Variants in SLC14A2 observed in about 807,000 individuals in gnomAD.
SLC14A2 encodes the protein urea transporter 2.
SLC14A2 carries 91 observed loss-of-function variants against 104.6 expected under a neutral mutation model. The ratio of observed to expected loss-of-function variants is 0.87; its 90% CI spans 0.73 to 1.04. SLC14A2 has a LOEUF of 1.04. SLC14A2 is among the 50% of genes least tolerant of loss of function. SLC14A2 has a pLI of 0.00. For synonymous variants in SLC14A2, 476 were observed against 466.4 expected (o/e 1.02, Z -0.27); for missense variants, 1,189 against 1,156.0 (o/e 1.03, Z -0.41).
intron 10 of SLC14A2, among the ~76,000 whole-genome samples, chr18:45,644,881 G>A (rs2144566292): frequency 6.6e-6 from 1 of 152,154 alleles, no homozygotes; most frequent in East Asian, 1.9e-4. Context: ...TAAGTTCTGG[G>A]ATACATGTGC....
chr18:45,203,128 G>A, the SLC14A2 span, among the ~76,000 whole-genome samples: 1 of 152,184 alleles, frequency 6.6e-6, no homozygotes, highest in Non-Finnish European at 1.5e-5. Context: ...GTAGTCCGAG[G>A]AGAGGCACTT....
chr18:45,242,293 A>G (rs937749323), intron 1 of SLC14A2, among the ~76,000 whole-genome samples: 11 of 152,188 alleles, frequency 7.2e-5, no homozygotes, highest in African/African-American at 2.7e-4. Flanking sequence ...CCCGTGCTAC[A>G]TTTTCATGTA....
chr18:45,655,425 C>G (rs778702081), intron 10 of SLC14A2, among the ~76,000 whole-genome samples: 4 of 152,234 alleles, frequency 2.6e-5, no homozygotes, highest in Non-Finnish European at 4.4e-5. Flanking sequence ...ACTATCACCA[C>G]CCTGGCCTCG....
intron 1 of SLC14A2, among the ~76,000 whole-genome samples, chr18:45,379,628 G>A (rs2085812298): frequency 6.6e-6 from 1 of 152,206 alleles, no homozygotes; most frequent in Non-Finnish European, 1.5e-5. Flanking sequence ...TCTACAGTGT[G>A]AATGAACACC....
At chr18:45,363,242 G>A (rs2085632352) in intron 1 of SLC14A2, among the ~76,000 whole-genome samples, 1 of 152,136 alleles carries the variant, frequency 6.6e-6, no homozygotes, top group Non-Finnish European at 1.5e-5. Context: ...ACAGAAGCTG[G>A]AGTTAGGGAG....
At chr18:45,673,412 G>A (rs1169235763) in intron 17 of SLC14A2, among the ~76,000 whole-genome samples, 1 of 152,218 alleles carries the variant, frequency 6.6e-6, no homozygotes, top group Non-Finnish European at 1.5e-5. Context: ...GGCAGGGGAA[G>A]GATATTCTCT....
the SLC14A2 span, among the ~76,000 whole-genome samples, chr18:45,192,054 G>C: frequency 1.3e-5 from 2 of 152,086 alleles, no homozygotes; most frequent in East Asian, 3.9e-4. Context: ...CATATGCTAT[G>C]GCTTTTTATT....
At chr18:45,621,201 T>C (rs1031032209) in intron 1 of SLC14A2, among the ~76,000 whole-genome samples, 1 of 152,216 alleles carries the variant, frequency 6.6e-6, no homozygotes, top group Non-Finnish European at 1.5e-5. Context: ...TTCTGGGGCT[T>C]GTCGGATTTC....
At chr18:45,246,606 T>C (rs919476062) in intron 1 of SLC14A2, among the ~76,000 whole-genome samples, 4 of 152,084 alleles carry the variant, frequency 2.6e-5, no homozygotes, top group Admixed American at 6.6e-5. Flanking sequence ...AGACTCTCAC[T>C]CTGTCGCCCA....
chr18:45,337,391 A>T (rs1310888092), intron 1 of SLC14A2, among the ~76,000 whole-genome samples: 1 of 152,236 alleles, frequency 6.6e-6, no homozygotes, highest in African/African-American at 2.4e-5. Context: ...TTTACCAAGT[A>T]GTTAGCCCTC....
chr18:45,234,841 C>A (rs1568113044), intron 1 of SLC14A2, among the ~76,000 whole-genome samples: 3 of 151,288 alleles, frequency 2.0e-5, no homozygotes, highest in Non-Finnish European at 2.9e-5. Flanking sequence ...TATTTAGCGC[C>A]TTTTTTTTTC....
intron 10 of SLC14A2, among the ~76,000 whole-genome samples, chr18:45,645,628 TAC>T (rs2045610763): frequency 2.0e-5 from 3 of 146,780 alleles, no homozygotes; most frequent in Admixed American, 6.8e-5. Flanking sequence ...TATATACATA[TAC>T]AAAGATATAT....
chr18:45,341,260 C>T (rs189643334), intron 1 of SLC14A2, among the ~76,000 whole-genome samples: 1 of 152,028 alleles, frequency 6.6e-6, no homozygotes, highest in East Asian at 1.9e-4. Context: ...ACAAACAACC[C>T]TCAAAGACCT....
intron 2 of SLC14A2, among the ~76,000 whole-genome samples, chr18:45,530,414 T>C (rs1483466087): frequency 2.0e-5 from 3 of 152,164 alleles, no homozygotes; most frequent in Non-Finnish European, 4.4e-5. Context: ...TACAAAAACA[T>C]AGAAATATCC....
At chr18:45,558,781 G>A (rs907821333) in intron 2 of SLC14A2, among the ~76,000 whole-genome samples, 1 of 152,184 alleles carries the variant, frequency 6.6e-6, no homozygotes, top group Non-Finnish European at 1.5e-5. Context: ...AAGAGATAGA[G>A]ATAGAATCCT....
chr18:45,246,383 G>A (rs530405016), intron 1 of SLC14A2, among the ~76,000 whole-genome samples: 1 of 151,912 alleles, frequency 6.6e-6, no homozygotes, highest in South Asian at 2.1e-4. Context: ...TAATACAGAT[G>A]GTAAGAAGGG....
chr18:45,493,565 G>A (rs955134953), intron 2 of SLC14A2, among the ~76,000 whole-genome samples: 6 of 152,332 alleles, frequency 3.9e-5, no homozygotes, highest in Middle Eastern at 6.8e-3. Flanking sequence ...ATCCAAAGTT[G>A]CATAGGTAGT....
the SLC14A2 span, among the ~76,000 whole-genome samples, chr18:45,187,659 C>A: frequency 1.3e-5 from 2 of 152,024 alleles, no homozygotes; most frequent in African/African-American, 4.8e-5. Flanking sequence ...CCACCTTATG[C>A]CCGTCCAGAA....
the SLC14A2 span, among the ~76,000 whole-genome samples, chr18:45,201,571 T>TGTGTGTGTGA: frequency 6.6e-6 from 1 of 152,068 alleles, no homozygotes; most frequent in South Asian, 2.1e-4. Context: ...TGTGTGTGTG[T>TGTGTGTGTGA]GTGTGATTAA....
Sources: gnomAD v4.1 joint callset for allele counts (sites outside exome capture counted in the v4.1 genomes callset) on GRCh38, gnomAD v4.1.1 for gene constraint, MANE v1.5 for transcripts, NCBI Gene and HGNC (gene_info 2026-07-23, HGNC 2026-07-21) for gene names.